Variants in CCL11 observed in about 807,000 individuals in gnomAD.
CCL11 encodes the protein eotaxin.
CCL11 carries 7 observed loss-of-function variants against 7.3 expected under a neutral mutation model. The observed-to-expected ratio is 0.96, with a 90% confidence interval of 0.55 to 1.81. The LOEUF is 1.81. CCL11 is among the 40% of genes most tolerant of loss of function. The pLI is 0.00. For missense variants in CCL11, 132 were observed against 114.2 expected (o/e 1.16, Z -0.71); for synonymous variants, 66 against 45.2 (o/e 1.46, Z -1.84).
intron 2 of CCL11, 112 bp downstream of exon 2, chr17:34,287,319 A>G: frequency 2.6e-6 from 2 of 761,388 alleles, no homozygotes; most frequent in South Asian, 1.7e-5. Flanking sequence ...TTTGACCTCT[A>G]TGGTCCAATT....
In CCL11 at chr17:34,287,928, C is replaced by T. The variant is rs201751198; in HGVS notation, c.*238C>T. ...TGTAAAGCTTTGTGCAGATTCTTTACCCCCTGGGAGCCCCAATTCGATCCC... is the reference window on the plus strand; with the variant it reads ...TGTAAAGCTTTGTGCAGATTCTTTATCCCCTGGGAGCCCCAATTCGATCCC... On this transcript the variant is annotated 3_prime_UTR_variant, in exon 3 of 3. Coordinates refer to ENST00000305869, the MANE Select transcript of CCL11 (RefSeq NM_002986.3). 3.6e-5 allele frequency: 7 copies of T among 196,200 alleles called. No individual in the cohort carries two copies. Among genetic ancestry groups the T allele is most frequent in the Non-Finnish European group, 6.0e-5 (6 of 99,356 alleles). 12.2% of individuals were successfully genotyped at this position (196,200 alleles called of 1,614,324 possible). A position where few individuals can be genotyped will look rare whatever the true frequency, so the allele number is the denominator to read the frequency against.
chr17:34,287,040 T>G, intron 1 of CCL11, 56 bp from the exon 2 acceptor site: 2 of 1,123,032 alleles, frequency 1.8e-6, no homozygotes, highest in South Asian at 2.5e-5. Context: ...GAAATGTCTA[T>G]GTATCATCAT....
At position 34,285,888 on chromosome 17, in the gene CCL11, A is replaced by C; in HGVS notation, c.76+4A>C. 6.2e-7 allele frequency: 1 copy of C among 1,607,522 alleles called. No homozygotes were observed. Among genetic ancestry groups the C allele is most frequent in the Non-Finnish European group, 8.5e-7 (1 of 1,176,222 alleles). On this transcript the variant is annotated splice_donor_region_variant and intron_variant, in intron 1 of 2. Coordinates refer to ENST00000305869, the MANE Select transcript of CCL11 (RefSeq NM_002986.3). The stretch of plus-strand genomic sequence containing the variant: ...CCCCAGGGGCTCGCTGGGCCAGGTA[A>C]GCCCCCCAACTCCTTACAGGAAAGG...
intron 1 of CCL11, among the ~76,000 whole-genome samples, chr17:34,286,621 C>T (rs920406538): frequency 6.6e-6 from 1 of 152,224 alleles, no homozygotes; most frequent in Non-Finnish European, 1.5e-5. Flanking sequence ...GAAGAAAGCT[C>T]TCAGGAGTCT....
Position 34,287,772 on chromosome 17 carries a change from C to T in CCL11, c.*82C>T, listed in dbSNP as rs920978933. 7 of 803,484 alleles carry T rather than the reference C, an allele frequency of 8.7e-6. No homozygotes were observed. The African/African-American group carries it at 1.2e-4, about 14-fold the overall frequency. 49.8% of individuals were successfully genotyped at this position (803,484 alleles called of 1,614,324 possible). ...CTTCTTACAATGCATTCTGAGGTAA[C>T]CTCATTATCAGTCCAAAGGGCATGG... On this transcript the variant is annotated 3_prime_UTR_variant, in exon 3 of 3. Coordinates refer to ENST00000305869, the MANE Select transcript of CCL11 (RefSeq NM_002986.3).
intron 2 of CCL11, 99 bp downstream of exon 2, chr17:34,287,306 T>G (rs1386382368): frequency 4.8e-6 from 4 of 833,664 alleles, no homozygotes; most frequent in Non-Finnish European, 7.9e-6. Context: ...TAGACTCTGA[T>G]AGTTTGACCT....
At position 34,285,835 on chromosome 17, in the gene CCL11, G is replaced by A. The variant is rs1432656375; in HGVS notation, c.27G>A (p.Trp9Ter). 6.2e-7 allele frequency: 1 copy of A among 1,613,060 alleles called. No homozygotes were observed. The highest frequency in any genetic ancestry group is 1.7e-5 in the Admixed American group (1 of 59,896). MKVSAALL[W>*]LLLIAAAFSP... Reference sequence around the variant, plus strand: ...TGAAGGTCTCCGCAGCACTTCTGTGGCTGCTGCTCATAGCAGCTGCCTTCA... The same window carrying A: ...TGAAGGTCTCCGCAGCACTTCTGTGACTGCTGCTCATAGCAGCTGCCTTCA... The change falls in exon 1 of 3, where the codon TGG (tryptophan) becomes TGA (stop). Residue 9 changes from tryptophan to a stop codon, truncating the protein, a stop_gained. Coordinates refer to ENST00000305869, the MANE Select transcript of CCL11 (RefSeq NM_002986.3). LOFTEE classifies it high-confidence loss of function.
At chr17:34,287,331 AT>A in intron 2 of CCL11, 124 bp downstream of exon 2, 1 of 711,102 alleles carries the variant, frequency 1.4e-6, no homozygotes, top group East Asian at 2.7e-5. Context: ...GGTCCAATTC[AT>A]TAATTTTCAC....
rs200078656 is a variant in CCL11 at position 34,287,608 on chromosome 17, A to T, written c.212A>T (p.Asp71Val). The change falls in exon 3 of 3, where the codon GAT becomes GTT. Residue 71 changes from aspartate to valine, a missense_variant. Transcript: ENST00000305869. Reference protein sequence around the residue: ...AVIFKTKLAKDICADPKKKWV... With the variant: ...AVIFKTKLAKVICADPKKKWV... ...AGCTTCAAGACCAAACTGGCCAAGGATATCTGTGCCGACCCCAAGAAGAAG... is the reference window on the plus strand; with the variant it reads ...AGCTTCAAGACCAAACTGGCCAAGGTTATCTGTGCCGACCCCAAGAAGAAG... The T allele has an allele frequency of 6.2e-7, 1 of 1,613,752 alleles. No homozygotes were observed. The highest frequency in any genetic ancestry group is 8.5e-7 in the Non-Finnish European group (1 of 1,179,870).
At chr17:34,286,173 G>C (rs563924181) in intron 1 of CCL11, among the ~76,000 whole-genome samples, 11 of 152,264 alleles carry the variant, frequency 7.2e-5, no homozygotes, top group Non-Finnish European at 1.5e-4. Flanking sequence ...CTGTGGGCAT[G>C]GTGGGCATTT....
At chr17:34,287,256 G>C in intron 2 of CCL11, 49 bp downstream of exon 2, 1 of 1,319,000 alleles carries the variant, frequency 7.6e-7, no homozygotes, top group South Asian at 1.2e-5. Flanking sequence ...TAATGTCTAG[G>C]GCACAGAGTC....
chr17:34,287,557 T>C (rs752111427), intron 2 of CCL11, 28 bp from the exon 3 acceptor site: 1 of 1,523,526 alleles, frequency 6.6e-7, no homozygotes, highest in Non-Finnish European at 9.1e-7. Flanking sequence ...AAAACAATCC[T>C]TCCAATTGCA....
intron 1 of CCL11, among the ~76,000 whole-genome samples, chr17:34,286,454 C>T (rs1908635957): frequency 6.6e-6 from 1 of 152,206 alleles, no homozygotes; most frequent in South Asian, 2.1e-4. Flanking sequence ...TTATCAATGA[C>T]TTAACAGAAT....
rs2142211380 is a variant in CCL11 at position 34,285,993 on chromosome 17, G to T, written c.76+109G>T. ...GCAAATTCTCCATTTGAAAAATAGG[G>T]AAACAGGTTTTGTGGGTGGACAAGA... is the stretch of plus-strand genomic sequence containing the variant. On this transcript the variant is annotated intron_variant, in intron 1 of 2. Coordinates refer to ENST00000305869, the MANE Select transcript of CCL11 (RefSeq NM_002986.3). 5.3e-6 allele frequency: 4 copies of T among 749,962 alleles called. No homozygotes were observed. In the South Asian group the frequency reaches 7.2e-5, roughly 13 times the overall value. 46.5% of individuals were successfully genotyped at this position (749,962 alleles called of 1,614,324 possible). A position where few individuals can be genotyped will look rare whatever the true frequency, so the allele number is the denominator to read the frequency against.
intron 2 of CCL11, 140 bp from the exon 3 acceptor site, chr17:34,287,445 G>A (rs1239401432): frequency 3.0e-6 from 2 of 670,088 alleles, no homozygotes; most frequent in South Asian, 1.9e-5. Context: ...TTTAAGAGCA[G>A]CAACTAACCC....
rs572328516 is a variant in CCL11, at chr17:34,286,106, T to G, written c.76+222T>G. The stretch of plus-strand genomic sequence containing the variant: ...CCCCACATTCAAGAGGGTTGCTGGG[T>G]GCATCCATACCCAGCTATCCTTACA... On this transcript the variant is annotated intron_variant, in intron 1 of 2. Transcript: ENST00000305869. 9.2e-5 allele frequency among the ~76,000 whole-genome samples: 14 copies of G among 152,304 alleles called. No individual in the cohort carries two copies. The East Asian group carries it at 2.7e-3, about 29-fold the overall frequency.
Position 34,285,754 on chromosome 17 carries a change from A to C in CCL11, c.-55A>C. 1 of 1,402,796 alleles carries C rather than the reference A, an allele frequency of 7.1e-7. No individual in the cohort carries two copies. Among genetic ancestry groups the C allele is most frequent in the Non-Finnish European group, 1.0e-6 (1 of 1,002,800 alleles). The allele number at this position is 1,402,796 out of a possible 1,614,324, so 86.9% of individuals were successfully genotyped here. A position where few individuals can be genotyped will look rare whatever the true frequency, so the allele number is the denominator to read the frequency against. ...GGGCCAGAGGAGCAGAGAGGCTGAG[A>C]CCAACCCAGAAACCACCACCTCTCA... On this transcript the variant is annotated 5_prime_UTR_variant, in exon 1 of 3. Transcript: ENST00000305869.
In CCL11 at chr17:34,287,944, A is replaced by G. The variant is rs111976983; in HGVS notation, c.*254A>G. Reference sequence around the variant, plus strand: ...GATTCTTTACCCCCTGGGAGCCCCAATTCGATCCCCTGTCACGTGTGGGCA... The same window carrying G: ...GATTCTTTACCCCCTGGGAGCCCCAGTTCGATCCCCTGTCACGTGTGGGCA... On this transcript the variant is annotated 3_prime_UTR_variant, in exon 3 of 3. Transcript: ENST00000305869. 1.1e-5 allele frequency: 2 copies of G among 185,410 alleles called. No individual in the cohort carries two copies. The highest frequency in any genetic ancestry group is 1.3e-4 in the East Asian group (1 of 7,676). 11.5% of individuals were successfully genotyped at this position (185,410 alleles called of 1,614,324 possible). A position where few individuals can be genotyped will look rare whatever the true frequency, so the allele number is the denominator to read the frequency against.
rs1007023972 is a variant in CCL11, at chr17:34,285,747, G to A, written c.-62G>A. ...GGCAGATGGGCCAGAGGAGCAGAGA[G>A]GCTGAGACCAACCCAGAAACCACCA... On this transcript the variant is annotated 5_prime_UTR_variant, in exon 1 of 3. Coordinates refer to ENST00000305869, the MANE Select transcript of CCL11 (RefSeq NM_002986.3). 13 of 1,291,186 alleles carry A rather than the reference G, an allele frequency of 1.0e-5. No homozygotes were observed. The highest frequency in any genetic ancestry group is 1.9e-4 in the Middle Eastern group (1 of 5,208). 80.0% of individuals were successfully genotyped at this position (1,291,186 alleles called of 1,614,324 possible).
Sources: gnomAD v4.1 joint callset for allele counts (sites outside exome capture counted in the v4.1 genomes callset) on GRCh38, gnomAD v4.1.1 for gene constraint, MANE v1.5 for transcripts, NCBI Gene and HGNC (gene_info 2026-07-23, HGNC 2026-07-21) for gene names.